SLC35F4: variants seen among roughly 807,000 people sequenced by gnomAD.
SLC35F4 encodes the protein chromosome 14 open reading frame 36.
A neutral mutation model predicts 44.2 loss-of-function variants in SLC35F4; 24 were observed. The ratio of observed to expected loss-of-function variants is 0.54; its 90% confidence interval spans 0.39 to 0.76. The LOEUF is 0.76. Among genes scored for constraint, SLC35F4 ranks in the 30% least tolerant of loss-of-function variants. SLC35F4 has a pLI of 0.00. For synonymous variants in SLC35F4, 238 were observed against 223.6 expected (o/e 1.06, Z -0.57); for missense variants, 562 against 586.1 (o/e 0.96, Z 0.42).
At chr14:57,590,226 C>CAAAAAAAAAAAAAAAAA (rs55850524) in intron 2 of SLC35F4, among the ~76,000 whole-genome samples, 1 of 119,168 alleles carries the variant, frequency 8.4e-6, no homozygotes, top group Non-Finnish European at 1.7e-5. Flanking sequence ...CTTGTCTATG[C>CAAAAAAAAAAAAAAAAA]AAAAAAAAAA....
chr14:57,849,407 C>G (rs551160823), intron 1 of SLC35F4, among the ~76,000 whole-genome samples: 3 of 152,192 alleles, frequency 2.0e-5, no homozygotes, highest in Admixed American at 6.5e-5. Flanking sequence ...GGTGATCCAC[C>G]TGCCTCGGCC....
intron 1 of SLC35F4, among the ~76,000 whole-genome samples, chr14:57,629,189 G>T (rs749750459): frequency 9.9e-5 from 15 of 152,240 alleles, no homozygotes; most frequent in Non-Finnish European, 2.1e-4. Context: ...GCTATGGCTA[G>T]TGTCTAGCTG....
chr14:57,786,444 C>T (rs2077761437), intron 1 of SLC35F4, among the ~76,000 whole-genome samples: 1 of 152,212 alleles, frequency 6.6e-6, no homozygotes, highest in South Asian at 2.1e-4. Context: ...GTGCCACCTC[C>T]TCACAGGAGG....
chr14:57,788,482 T>C (rs568584255), intron 1 of SLC35F4, among the ~76,000 whole-genome samples: 2 of 152,168 alleles, frequency 1.3e-5, no homozygotes, highest in Non-Finnish European at 2.9e-5. Flanking sequence ...AAACAGTGCA[T>C]GGAACTTTCT....
intron 1 of SLC35F4, among the ~76,000 whole-genome samples, chr14:57,648,143 G>A (rs2073623919): frequency 1.3e-5 from 2 of 152,092 alleles, no homozygotes; most frequent in African/African-American, 4.8e-5. Context: ...TTATACCTCA[G>A]GTGTCAAAAT....
At chr14:57,598,606 C>A (rs1278488547) in intron 1 of SLC35F4, among the ~76,000 whole-genome samples, 2 of 152,176 alleles carry the variant, frequency 1.3e-5, no homozygotes, top group Non-Finnish European at 2.9e-5. Flanking sequence ...TCAAATGTCT[C>A]CATGCGAACA....
chr14:57,785,499 G>A (rs912963841), intron 1 of SLC35F4, among the ~76,000 whole-genome samples: 2 of 152,158 alleles, frequency 1.3e-5, no homozygotes, highest in Non-Finnish European at 1.5e-5. Context: ...CCAGATAACT[G>A]TAAGAACAAA....
intron 1 of SLC35F4, among the ~76,000 whole-genome samples, chr14:57,800,958 C>G (rs2078178297): frequency 6.6e-6 from 1 of 152,124 alleles, no homozygotes; most frequent in Non-Finnish European, 1.5e-5. Context: ...GGATATCATC[C>G]AGAAGAACTT....
chr14:57,982,055 G>C (rs1015407983), exon 1 of SLC35F4: 1 of 152,120 alleles, frequency 6.6e-6, no homozygotes, highest in Non-Finnish European at 1.5e-5. Flanking sequence ...AGGAGACTCT[G>C]ACATCCCAGA....
At chr14:57,909,211 A>G (rs561402204) in intron 1 of SLC35F4, among the ~76,000 whole-genome samples, 2 of 152,204 alleles carry the variant, frequency 1.3e-5, no homozygotes, top group East Asian at 1.9e-4. Context: ...GCACATGGAC[A>G]ACCTCCCCCA....
chr14:57,909,727 A>G (rs562359060), intron 1 of SLC35F4, among the ~76,000 whole-genome samples: 2 of 152,094 alleles, frequency 1.3e-5, no homozygotes, highest in African/African-American at 4.8e-5. Context: ...CTACTGAGGG[A>G]TATGTTGGTT....
chr14:57,779,105 C>G (rs1566845875), intron 1 of SLC35F4, among the ~76,000 whole-genome samples: 1 of 149,984 alleles, frequency 6.7e-6, no homozygotes, highest in Non-Finnish European at 1.5e-5. Flanking sequence ...TAGCAGAAGA[C>G]AAAAAAAAAT....
At chr14:57,879,193 G>C (rs1888465448) in intron 1 of SLC35F4, among the ~76,000 whole-genome samples, 2 of 152,138 alleles carry the variant, frequency 1.3e-5, no homozygotes, top group Non-Finnish European at 2.9e-5. Flanking sequence ...AGTTTTGCAA[G>C]GTACTTGGCA....
At chr14:57,716,845 TTC>T (rs1488386568) in intron 1 of SLC35F4, among the ~76,000 whole-genome samples, 9 of 152,188 alleles carry the variant, frequency 5.9e-5, no homozygotes, top group Non-Finnish European at 1.2e-4. Context: ...TAGCTAAAAT[TTC>T]TTTCTGTTAA....
At position 57,716,123 on chromosome 14, in the gene SLC35F4, C is replaced by T. The variant is rs562701899; in HGVS notation, c.104-121999G>A. On this transcript the variant is annotated intron_variant, in intron 1 of 7. Transcript: ENST00000556826. ...GAGGAATGGTGAACACCACTGTGTG[C>T]GTGCGGGTTTTCATGCCATTCATCC... 7.7e-4 allele frequency among the ~76,000 whole-genome samples: 117 copies of T among 152,214 alleles called. 1 individual carries two copies. The highest frequency in any genetic ancestry group is 1.1e-3 in the Non-Finnish European group (73 of 68,008).
intron 4 of SLC35F4, among the ~76,000 whole-genome samples, chr14:57,572,533 G>GTCAA (rs202045767): frequency 6.6e-6 from 1 of 151,916 alleles, no homozygotes; most frequent in African/African-American, 2.4e-5. Context: ...CAGGCCAATG[G>GTCAA]GAAAAAAGAA....
intron 4 of SLC35F4, among the ~76,000 whole-genome samples, chr14:57,575,104 C>T (rs1235938371): frequency 6.6e-6 from 1 of 152,106 alleles, no homozygotes; most frequent in South Asian, 2.1e-4. Context: ...GTGGTGCCAC[C>T]TGCTCGGCTT....
chr14:57,679,830 G>C (rs1224456484), intron 1 of SLC35F4, among the ~76,000 whole-genome samples: 2 of 151,972 alleles, frequency 1.3e-5, no homozygotes, highest in Admixed American at 1.3e-4. Flanking sequence ...CCAAGAAGAA[G>C]TCGAATCCCT....
chr14:57,982,230 G>T (rs1422604689), upstream of SLC35F4: 1 of 152,208 alleles, frequency 6.6e-6, no homozygotes, highest in Non-Finnish European at 1.5e-5. Flanking sequence ...ATGCTGAGTT[G>T]TCGGAAGCCA....
Sources: allele counts gnomAD v4.1 joint callset (sites outside exome capture counted in the v4.1 genomes callset), GRCh38; gene constraint gnomAD v4.1.1; transcripts MANE v1.5; gene names NCBI Gene and HGNC (gene_info 2026-07-23, HGNC 2026-07-21).